Variants in DIP2A observed in about 807,000 individuals in gnomAD.
DIP2A encodes DIP2 acetate--CoA ligase A.
Under a neutral mutation model 177.4 loss-of-function variants are expected in DIP2A, and 85 were observed. The observed-to-expected ratio is 0.48, with a 90% CI of 0.40 to 0.57. DIP2A has a LOEUF of 0.57. Ranked by LOEUF, DIP2A falls within the 20% of genes least tolerant of loss-of-function variation. The pLI is 0.00. For missense variants in DIP2A, 1,791 were observed against 2,100.2 expected, an observed-to-expected ratio of 0.85 and a Z score of 2.88; for synonymous variants, 886 against 881.8, an observed-to-expected ratio of 1.00 and a Z score of -0.08.
intron 8 of DIP2A, among the ~76,000 whole-genome samples, chr21:46,514,617 C>CCTTTT (rs2058468475): frequency 1.4e-5 from 1 of 70,528 alleles, no homozygotes; most frequent in African/African-American, 5.6e-5. Flanking sequence ...AACTTTTATT[C>CCTTTT]TTTTTTTTTT....
rs2839338 is a variant in DIP2A, at chr21:46,568,071, C to T, written c.*449C>T. 0.11 allele frequency: 16,515 copies of T among 154,434 alleles called. 1,128 individuals are homozygous for T. Among genetic ancestry groups the T allele is most frequent in the African/African-American group, 0.19 (7,959 of 41,532 alleles). The allele number at this position is 154,434 out of a possible 1,614,324, so 9.6% of individuals were successfully genotyped here. The stretch of plus-strand genomic sequence containing the variant: ...ACTTGAGACCATTTACGGGGAGAAA[C>T]TTGATTCTGGGAAGATAGCAGAGTA... On this transcript the variant is annotated 3_prime_UTR_variant, in exon 38 of 38. Coordinates refer to ENST00000417564, the MANE Select transcript of DIP2A (RefSeq NM_015151.4).
chr21:46,465,153 A>G (rs1427564222), intron 1 of DIP2A, among the ~76,000 whole-genome samples: 1 of 151,826 alleles, frequency 6.6e-6, no homozygotes, highest in Non-Finnish European at 1.5e-5. Flanking sequence ...CTTTCTCAGA[A>G]CTTCCATATC....
Position 46,538,541 on chromosome 21 carries a change from C to A in DIP2A, c.1860C>A (p.Gly620=). 6.4e-7 allele frequency: 1 copy of A among 1,563,362 alleles called. No homozygotes were observed. Among genetic ancestry groups the A allele is most frequent in the Non-Finnish European group, 8.6e-7 (1 of 1,156,500 alleles). Residue 620 remains glycine (G), a synonymous_variant, in exon 16 of 38, where the codon GGC becomes GGA. Coordinates refer to ENST00000417564, the MANE Select transcript of DIP2A (RefSeq NM_015151.4). ...ACTGGTCTCTCCTAGCTCAGCGGGG[C>A]CAGAGGGACGTCAGCCTCAGCTCAC... ...DMHWSLLAQR[G]QRDVSLSSLR...
intron 32 of DIP2A, 123 bp from the exon 33 acceptor site, chr21:46,560,599 A>C: frequency 3.0e-6 from 4 of 1,352,128 alleles, no homozygotes; most frequent in Non-Finnish European, 3.0e-6. Flanking sequence ...TGCAGGGAGC[A>C]GAGCTGCTAC....
At position 46,554,809 on chromosome 21, in the gene DIP2A, C is replaced by T. The variant is rs1295785850; in HGVS notation, c.3277-13C>T. Reference sequence around the variant, plus strand: ...AGGCCCCGCCCACCCACCCTTGGCCCCTCGCCATGCAGGTCAGCAAGTCTG... The same window carrying T: ...AGGCCCCGCCCACCCACCCTTGGCCTCTCGCCATGCAGGTCAGCAAGTCTG... On this transcript the variant is annotated splice_polypyrimidine_tract_variant and intron_variant, in intron 27 of 37. Transcript: ENST00000417564. 22 of 1,542,800 alleles carry T rather than the reference C, an allele frequency of 1.4e-5. No homozygotes were observed. Among genetic ancestry groups the T allele is most frequent in the Non-Finnish European group, 1.8e-5 (21 of 1,145,302 alleles).
At chr21:46,549,264 A>G (rs189325142) in intron 21 of DIP2A, among the ~76,000 whole-genome samples, 76 of 152,328 alleles carry the variant, frequency 5.0e-4, no homozygotes, top group Non-Finnish European at 9.6e-4. Flanking sequence ...TTCTTACTTT[A>G]TGAAAGAAAA....
chr21:46,563,764 C>A lies in DIP2A; in HGVS notation c.4090-94C>A. On this transcript the variant is annotated intron_variant, in intron 34 of 37. Coordinates refer to ENST00000417564, the MANE Select transcript of DIP2A (RefSeq NM_015151.4). This position sits in a 1 kb window ranked among gnomAD's most constrained non-coding sequence, Gnocchi z 4.3. ...GACATGAGCACATCAGTCCTGCAGG[C>A]CAGCTTCTGAGGGACGTTATTTTAA... The A allele has an allele frequency of 6.5e-7, 1 of 1,529,282 alleles. No individual in the cohort carries two copies. Among genetic ancestry groups the A allele is most frequent in the Non-Finnish European group, 8.8e-7 (1 of 1,135,048 alleles). 94.7% of individuals were successfully genotyped at this position (1,529,282 alleles called of 1,614,324 possible). A position where few individuals can be genotyped will look rare whatever the true frequency, so the allele number is the denominator to read the frequency against.
At chr21:46,525,096 A>T (rs1300201667) in intron 8 of DIP2A, among the ~76,000 whole-genome samples, 1 of 151,832 alleles carries the variant, frequency 6.6e-6, no homozygotes, top group Admixed American at 6.6e-5. Flanking sequence ...TGTGTTGACC[A>T]GGCTGGTCTC....
intron 3 of DIP2A, among the ~76,000 whole-genome samples, chr21:46,493,872 G>T (rs553389817): frequency 6.6e-6 from 1 of 152,232 alleles, no homozygotes; most frequent in African/African-American, 2.4e-5. Context: ...AGCTCCCCTG[G>T]ACCCATAGTC....
intron 1 of DIP2A, among the ~76,000 whole-genome samples, chr21:46,477,571 T>TGTGTGTGTGTGTGTGTGTG (rs762054063): frequency 0.017 from 1,121 of 66,260 alleles, 12 homozygotes; most frequent in Middle Eastern, 0.05. Context: ...GTGTGTGTAT[T>TGTGTGTGTGTGTGTGTGTG]TCTTTTTTTT....
chr21:46,513,979 C>T (rs896893163), intron 8 of DIP2A, among the ~76,000 whole-genome samples: 3 of 152,014 alleles, frequency 2.0e-5, no homozygotes, highest in African/African-American at 4.8e-5. Flanking sequence ...TTTTAAAGGC[C>T]TGCTTCAATT....
chr21:46,556,059 G>A lies in DIP2A; in HGVS notation c.3466G>A (p.Val1156Met). 2 of 1,613,918 alleles carry A rather than the reference G, an allele frequency of 1.2e-6. No homozygotes were observed. Among genetic ancestry groups the A allele is most frequent in the Non-Finnish European group, 1.7e-6 (2 of 1,179,848 alleles). ...PDVLAYLDFS[V>M]STTGILAGVK... is the part of the protein sequence containing the mutation. ...TGTCCTCGCATACTTGGACTTCAGCGTGTCAACCACTGGGATATTAGCGGG... is the reference window on the plus strand; with the variant it reads ...TGTCCTCGCATACTTGGACTTCAGCATGTCAACCACTGGGATATTAGCGGG... Residue 1156 changes from valine (V) to methionine (M), a missense_variant, in exon 29 of 38, where the codon GTG becomes ATG. Physicochemically the swap from Val to Met is conservative, Grantham distance 21. Transcript: ENST00000417564. The surrounding 1 kb of genome is among the most constrained non-coding windows in gnomAD (Gnocchi z 4.5).
At position 46,561,022 on chromosome 21, in the gene DIP2A, A is replaced by T. The variant is rs1232155120; in HGVS notation, c.4031+239A>T. 8.1e-6 allele frequency: 8 copies of T among 984,852 alleles called. No homozygotes were observed. In the African/African-American group the frequency reaches 1.4e-4, roughly 17 times the overall value. 61.0% of individuals were successfully genotyped at this position (984,852 alleles called of 1,614,324 possible). ...CCGGGCGTGCCTCCCAGGGGAGCTC[A>T]GTGTCTATCTCTGTGCGCCCGTGTC... On this transcript the variant is annotated intron_variant, in intron 33 of 37. Transcript: ENST00000417564.
At chr21:46,546,062 G>C in intron 20 of DIP2A, 101 bp downstream of exon 20, 2 of 1,585,444 alleles carry the variant, frequency 1.3e-6, no homozygotes, top group Non-Finnish European at 1.7e-6. Flanking sequence ...GGCCGTTCCT[G>C]ACCTCCCATG....
chr21:46,533,918 G>A, intron 11 of DIP2A, 86 bp from the exon 12 acceptor site: 3 of 1,162,620 alleles, frequency 2.6e-6, no homozygotes, highest in Non-Finnish European at 3.8e-6. Context: ...AGTAGCTAGT[G>A]CTGCATGTTG....
At chr21:46,555,846 G>T in intron 28 of DIP2A, 136 bp from the exon 29 acceptor site, 1 of 730,526 alleles carries the variant, frequency 1.4e-6, no homozygotes, top group South Asian at 1.5e-5. Context: ...GCATCGTCAC[G>T]GCCCCACTCC....
chr21:46,541,691 TG>T, intron 17 of DIP2A, 64 bp from the exon 18 acceptor site: 3 of 1,599,836 alleles, frequency 1.9e-6, no homozygotes, highest in Non-Finnish European at 2.6e-6. Context: ...GCAGGCAAGG[TG>T]GGCCCACCTC....
chr21:46,509,194 C>T (rs2058183005), intron 6 of DIP2A, 63 bp from the exon 7 acceptor site: 3 of 1,532,740 alleles, frequency 2.0e-6, no homozygotes, highest in South Asian at 1.3e-5. Context: ...TTGGACCTTA[C>T]ACCTGTGTCC....
intron 6 of DIP2A, among the ~76,000 whole-genome samples, chr21:46,505,938 A>T (rs929443552): frequency 2.0e-5 from 3 of 152,184 alleles, no homozygotes; most frequent in Non-Finnish European, 4.4e-5. Context: ...CATTAAATGG[A>T]TGCACCACAA....
Sources: allele counts gnomAD v4.1 joint callset (sites outside exome capture counted in the v4.1 genomes callset), GRCh38; gene constraint gnomAD v4.1.1; non-coding constraint Gnocchi (gnomAD v3.1); transcripts MANE v1.5; gene names NCBI Gene and HGNC (gene_info 2026-07-23, HGNC 2026-07-21).